The following CP variants were observed in gnomAD, a reference collection of about 807,000 sequenced individuals.
CP encodes caeruloplasmin.
A neutral mutation model predicts 122.4 loss-of-function variants in CP; 64 were observed. That is an observed-to-expected ratio of 0.52 (90% CI 0.43 to 0.64). The LOEUF is 0.64. CP is among the 30% of genes least tolerant of loss of function. The pLI is 0.00. For synonymous variants in CP, 440 were observed against 436.4 expected, an observed-to-expected ratio of 1.01 and a Z score of -0.10; for missense variants, 1,167 against 1,284.4, an observed-to-expected ratio of 0.91 and a Z score of 1.40.
chr3:149,221,660 TAA>T lies in CP; in HGVS notation c.131_132del (p.Leu44HisfsTer4). 6.2e-7 allele frequency: 1 copy of T among 1,612,028 alleles called. No homozygotes were observed. The highest frequency in any genetic ancestry group is 8.5e-7 in the Non-Finnish European group (1 of 1,179,420). On this transcript the variant is annotated frameshift_variant, in exon 1 of 19. Coordinates refer to ENST00000264613, the MANE Select transcript of CP (RefSeq NM_000096.4). LOFTEE classifies it high-confidence loss of function. ...ATAGTGACTTACGTGTCAACAGAAA[TAA>T]GTTTCTTTTCCCCATGGTCAGAGGC... ...DYASDHGEKKLISVDTEHSNI... is the reference protein window; with the variant it reads ...DYASDHGEKKXISVDTEHSNI...
intron 9 of CP, among the ~76,000 whole-genome samples, chr3:149,196,748 T>A (rs1249350713): frequency 8.8e-6 from 1 of 114,270 alleles, no homozygotes; most frequent in Non-Finnish European, 1.8e-5. Flanking sequence ...AAAAAAAAAT[T>A]GAGAAGCCTT....
At chr3:149,202,605 CTTT>C (rs34873592) in intron 6 of CP, among the ~76,000 whole-genome samples, 75 of 106,788 alleles carry the variant, frequency 7.0e-4, no homozygotes, top group African/African-American at 2.2e-3. Context: ...TGTTGTTTGT[CTTT>C]TTTTTTTTTT....
At chr3:149,184,836 C>T (rs112483851) in intron 12 of CP, among the ~76,000 whole-genome samples, 6 of 152,196 alleles carry the variant, frequency 3.9e-5, no homozygotes, top group East Asian at 1.9e-4. Flanking sequence ...GTGAAATGAC[C>T]GATTGTTAGA....
chr3:149,162,629 C>G, exon 6 of CP: 1 of 1,532,730 alleles, frequency 6.5e-7, no homozygotes, highest in Non-Finnish European at 9.0e-7. Flanking sequence ...TTCAGCCCAG[C>G]TGTCGCTTTA....
intron 2 of CP, 100 bp from the exon 3 acceptor site, chr3:149,210,479 A>G (rs1728037076): frequency 9.8e-7 from 1 of 1,024,038 alleles, no homozygotes; most frequent in Non-Finnish European, 1.5e-6. Flanking sequence ...TTTATTAAAC[A>G]TCTACTATGT....
At position 149,206,276 on chromosome 3, in the gene CP, C is replaced by T. The variant is rs199930098; in HGVS notation, c.1100G>A (p.Arg367His). The T allele has an allele frequency of 1.7e-5, 27 of 1,613,828 alleles. No homozygotes were observed. The highest frequency in any genetic ancestry group is 1.3e-4 in the African/African-American group (10 of 74,890). The change falls in exon 6 of 19, where the codon CGT (arginine) becomes CAT (histidine). Residue 367 changes from arginine (R) to histidine (H), a missense_variant. Physicochemically the swap from Arg to His is conservative, Grantham distance 29. Around this residue, in one of 2 missense-constraint regions of CP, gnomAD observed 642 missense variants for 627.3 expected, o/e 1.02. Coordinates refer to ENST00000264613, the MANE Select transcript of CP (RefSeq NM_000096.4). ...GTAGTAGTGTCTAACATGCTTCCCA[C>T]GGATATTATCCTTTGATGAAGACTT... is the stretch of plus-strand genomic sequence containing the variant. ...CNKSSSKDNI[R>H]GKHVRHYYIA...
intron 4 of CP, chr3:149,167,267 G>C: frequency 3.9e-6 from 6 of 1,555,812 alleles, no homozygotes; most frequent in Non-Finnish European, 5.3e-6. Context: ...TATGTTTTTA[G>C]GCTTGATCAG....
intron 14 of CP, 24 bp downstream of exon 14, chr3:149,181,974 GCACCACC>G: frequency 2.9e-6 from 4 of 1,356,690 alleles, no homozygotes; most frequent in Non-Finnish European, 4.2e-6. Context: ...CTGTTAAAAT[GCACCACC>G]CCCACCCCCG....
chr3:149,200,024 A>C (rs1727193506), intron 7 of CP, 160 bp from the exon 8 acceptor site: 1 of 702,910 alleles, frequency 1.4e-6, no homozygotes, highest in African/African-American at 1.8e-5. Context: ...GTCCATAATC[A>C]ATCTGATATG....
At chr3:149,212,059 T>C (rs148858585) in intron 2 of CP, among the ~76,000 whole-genome samples, 634 of 152,100 alleles carry the variant, frequency 4.2e-3, no homozygotes, top group Non-Finnish European at 6.9e-3. Context: ...TTTGGGAGGC[T>C]GAGGCGGGCA....
chr3:149,177,953 G>A lies in CP; in HGVS notation c.2905C>T (p.Leu969=), dbSNP rs757853888. The A allele has an allele frequency of 6.8e-6, 11 of 1,613,490 alleles. No homozygotes were observed. The highest frequency in any genetic ancestry group is 1.6e-4 in the Middle Eastern group (1 of 6,084). The change falls in exon 17 of 19, where the codon CTA becomes TTA. Residue 969 remains leucine (L), a synonymous_variant. Coordinates refer to ENST00000264613, the MANE Select transcript of CP (RefSeq NM_000096.4). ...CCCACGTGCATTGTGAGGCCTTGTA[G>A]GTTTCCAAACATTCTTCCATTAATA... The part of the protein sequence containing the change: ...HAINGRMFGN[L]QGLTMHVGDE...
exon 6 of CP, chr3:149,162,656 C>A: frequency 1.3e-6 from 2 of 1,599,280 alleles, no homozygotes; most frequent in Non-Finnish European, 1.7e-6. Flanking sequence ...CTATATTTAT[C>A]TGGAATATAG....
chr3:149,207,621 T>C lies in CP; in HGVS notation c.782-4A>G. 6.2e-7 allele frequency: 1 copy of C among 1,613,748 alleles called. No individual in the cohort carries two copies. Among genetic ancestry groups the C allele is most frequent in the South Asian group, 1.1e-5 (1 of 91,068 alleles). Reference sequence around the variant, plus strand: ...CCAAAAGTGTATCCATTCACAGCTGTAAGTCAAGAGCAGAGTTTGTGACTA... The same window carrying C: ...CCAAAAGTGTATCCATTCACAGCTGCAAGTCAAGAGCAGAGTTTGTGACTA... On this transcript the variant is annotated splice_polypyrimidine_tract_variant and splice_region_variant and intron_variant, in intron 4 of 18. Transcript: ENST00000264613.
chr3:149,167,291 T>C (rs1484692671), intron 4 of CP: 2 of 1,394,170 alleles, frequency 1.4e-6, no homozygotes, highest in Admixed American at 1.9e-5. Context: ...TAATCAGATC[T>C]GATAACCTCA....
rs771374163 is a variant in CP, at chr3:149,199,822, G to T, written c.1391C>A (p.Thr464Asn). 6.2e-7 allele frequency: 1 copy of T among 1,614,130 alleles called. No individual in the cohort carries two copies. The highest frequency in any genetic ancestry group is 8.5e-7 in the Non-Finnish European group (1 of 1,179,978). Residue 464 changes from threonine (T) to asparagine (N), a missense_variant, in exon 8 of 19, where the codon ACC (threonine) becomes AAC (asparagine). Physicochemically the swap from Thr to Asn is moderately conservative, Grantham distance 65. Coordinates refer to ENST00000264613, the MANE Select transcript of CP (RefSeq NM_000096.4). ...GGGATATGCTCCTTTGTTATGGAAGGTTACTCTGATGGTGTCTCCCACCTC... is the reference window on the plus strand; with the variant it reads ...GGGATATGCTCCTTTGTTATGGAAGTTTACTCTGATGGTGTCTCCCACCTC... ...WAEVGDTIRV[T>N]FHNKGAYPLS...
intron 1 of CP, 103 bp from the exon 2 acceptor site, chr3:149,212,801 A>G: frequency 2.2e-6 from 3 of 1,361,392 alleles, no homozygotes; most frequent in Non-Finnish European, 3.0e-6. Context: ...TAATGAGCAC[A>G]TCACATTGAA....
Position 149,186,128 on chromosome 3 carries a change from A to G in CP, c.2077+392T>C, listed in dbSNP as rs35767691. ...TGCTAGCATAGAATATTCACTTGCA[A>G]CCAACAAGCCAACACTACATCTAGG... On this transcript the variant is annotated intron_variant, in intron 11 of 18. Coordinates refer to ENST00000264613, the MANE Select transcript of CP (RefSeq NM_000096.4). 2,732 of 276,846 alleles carry G rather than the reference A, an allele frequency of 9.9e-3. 67 individuals carry two copies. The highest frequency in any genetic ancestry group is 0.056 in the African/African-American group (2,565 of 45,676). 17.1% of individuals were successfully genotyped at this position (276,846 alleles called of 1,614,324 possible).
intron 9 of CP, among the ~76,000 whole-genome samples, chr3:149,188,747 CA>C (rs777740795): frequency 1.7e-4 from 25 of 149,592 alleles, no homozygotes; most frequent in African/African-American, 5.4e-4. Context: ...GTGGAAAAAA[CA>C]AAAAAAAAGG....
intron 9 of CP, among the ~76,000 whole-genome samples, chr3:149,196,225 G>A (rs896912650): frequency 2.0e-5 from 3 of 152,202 alleles, no homozygotes; most frequent in South Asian, 4.2e-4. Context: ...TGTTGGTGTC[G>A]TGGAAAAAAT....
Sources: gnomAD v4.1 joint callset for allele counts (sites outside exome capture counted in the v4.1 genomes callset) on GRCh38, gnomAD v4.1.1 for gene constraint, gnomAD v4.1.1 regional missense constraint, MANE v1.5 for transcripts, NCBI Gene and HGNC (gene_info 2026-07-23, HGNC 2026-07-21) for gene names.